The following PRKACB variants were observed in gnomAD, a reference collection of about 807,000 sequenced individuals.
The protein encoded by PRKACB is cAMP-dependent protein kinase catalytic subunit beta.
PRKACB carries 16 observed loss-of-function variants against 51.4 expected under a neutral mutation model. The ratio of observed to expected loss-of-function variants is 0.31; its 90% CI spans 0.21 to 0.47. The LOEUF (loss-of-function observed/expected upper bound fraction) is 0.47, where lower values mean the gene tolerates loss of function less well. PRKACB is among the 20% of genes least tolerant of loss of function. The pLI, the probability that PRKACB is intolerant of heterozygous loss-of-function variation, is 1.00. For missense variants in PRKACB, 309 were observed against 464.5 expected, an observed-to-expected ratio of 0.67 and a Z score of 3.08; for synonymous variants, 147 against 154.4, an observed-to-expected ratio of 0.95 and a Z score of 0.35.
intron 1 of PRKACB, among the ~76,000 whole-genome samples, chr1:84,160,103 A>T (rs1210264006): frequency 6.6e-6 from 1 of 152,082 alleles, no homozygotes; most frequent in Non-Finnish European, 1.5e-5. Context: ...TGTTCCTGCC[A>T]CTTCTGAATT....
chr1:84,198,159 A>G (rs1668717363), intron 7 of PRKACB, among the ~76,000 whole-genome samples: 1 of 152,154 alleles, frequency 6.6e-6, no homozygotes, highest in Non-Finnish European at 1.5e-5. Flanking sequence ...ACCAAGAGGT[A>G]AATCTAGAGA....
intron 1 of PRKACB, among the ~76,000 whole-genome samples, chr1:84,119,904 C>A (rs1263419873): frequency 1.3e-5 from 2 of 151,966 alleles, no homozygotes; most frequent in African/African-American, 4.8e-5. Context: ...TCATTGAGAC[C>A]TTGGTAGTGT....
intron 8 of PRKACB, chr1:84,204,592 T>C (rs897258746): frequency 2.2e-6 from 3 of 1,383,646 alleles, no homozygotes; most frequent in African/African-American, 1.5e-5. Context: ...AAAGGTCATA[T>C]GAAGAATGAT....
intron 9 of PRKACB, among the ~76,000 whole-genome samples, chr1:84,218,051 A>T (rs1166639840): frequency 6.6e-6 from 1 of 152,192 alleles, no homozygotes. Context: ...TTCATGAAGT[A>T]CATGTTATAT....
At chr1:84,079,144 GGT>G (rs1192761562) in intron 1 of PRKACB, among the ~76,000 whole-genome samples, 4 of 151,476 alleles carry the variant, frequency 2.6e-5, no homozygotes, top group African/African-American at 9.7e-5. Flanking sequence ...ATGGCGATAA[GGT>G]GTGTGTGTGT....
At chr1:84,177,635 A>G (rs1572090044) in intron 1 of PRKACB, among the ~76,000 whole-genome samples, 1 of 151,960 alleles carries the variant, frequency 6.6e-6, no homozygotes, top group South Asian at 2.1e-4. Flanking sequence ...CCAGCTACTC[A>G]GGAGGCTGAG....
intron 9 of PRKACB, among the ~76,000 whole-genome samples, chr1:84,228,387 A>G (rs1036683176): frequency 6.6e-6 from 1 of 152,214 alleles, no homozygotes; most frequent in African/African-American, 2.4e-5. Flanking sequence ...AATTTGGTCA[A>G]TCGACTCTTT....
intron 3 of PRKACB, 124 bp from the exon 4 acceptor site, chr1:84,183,913 T>C: frequency 9.7e-7 from 1 of 1,028,462 alleles, no homozygotes; most frequent in East Asian, 3.1e-5. Flanking sequence ...TGTTATTATC[T>C]TCCTTATCCA....
At chr1:84,127,762 C>T (rs565630310) in intron 1 of PRKACB, among the ~76,000 whole-genome samples, 1 of 151,846 alleles carries the variant, frequency 6.6e-6, no homozygotes, top group East Asian at 1.9e-4. Context: ...TACTGTTTTC[C>T]TAACTTGATT....
chr1:84,145,295 A>C (rs567240666), intron 1 of PRKACB, among the ~76,000 whole-genome samples: 1 of 152,222 alleles, frequency 6.6e-6, no homozygotes, highest in South Asian at 2.1e-4. Flanking sequence ...GCCATTCTAC[A>C]TCTCACCTTG....
intron 1 of PRKACB, 80 bp from the exon 2 acceptor site, chr1:84,179,097 A>C (rs941551145): frequency 1.4e-6 from 2 of 1,409,694 alleles, no homozygotes; most frequent in Non-Finnish European, 1.9e-6. Context: ...AAGTGAGAAA[A>C]CCATATGCAA....
chr1:84,124,169 T>C (rs1300516278), intron 1 of PRKACB, among the ~76,000 whole-genome samples: 1 of 152,170 alleles, frequency 6.6e-6, no homozygotes, highest in Admixed American at 6.5e-5. Flanking sequence ...AGAAATGATA[T>C]GAGAAACTCA....
At chr1:84,235,089 A>T in intron 9 of PRKACB, 91 bp from the exon 10 acceptor site, 1 of 1,373,442 alleles carries the variant, frequency 7.3e-7, no homozygotes, top group Non-Finnish European at 1.0e-6. Context: ...TCACCGTGTA[A>T]TAACAGTGGG....
chr1:84,091,269 C>T (rs1423576077), intron 1 of PRKACB, among the ~76,000 whole-genome samples: 1 of 152,168 alleles, frequency 6.6e-6, no homozygotes, highest in Non-Finnish European at 1.5e-5. Flanking sequence ...TTACAGAGAA[C>T]TTAATCAGCT....
At position 84,236,415 on chromosome 1, in the gene PRKACB, G is replaced by A. The variant is rs965143686; in HGVS notation, c.*1110G>A. The A allele has an allele frequency of 1.3e-5, 2 of 152,550 alleles. No homozygotes were observed. Among genetic ancestry groups the A allele is most frequent in the African/African-American group, 2.4e-5 (1 of 41,450 alleles). The allele number at this position is 152,550 out of a possible 1,614,324, so 9.4% of individuals were successfully genotyped here. On this transcript the variant is annotated 3_prime_UTR_variant, in exon 10 of 10. Coordinates refer to ENST00000370685, the MANE Select transcript of PRKACB (RefSeq NM_182948.4). ...GTTGTTTCCAGCTAATTATTGTGGTGTACTATATTTGTGAGCCTAGGGTAG... is the reference window on the plus strand; with the variant it reads ...GTTGTTTCCAGCTAATTATTGTGGTATACTATATTTGTGAGCCTAGGGTAG...
chr1:84,107,543 C>A (rs560807261), intron 1 of PRKACB, among the ~76,000 whole-genome samples: 1 of 152,098 alleles, frequency 6.6e-6, no homozygotes, highest in Admixed American at 6.6e-5. Flanking sequence ...AATAAACAAA[C>A]AACCTACAAA....
intron 7 of PRKACB, among the ~76,000 whole-genome samples, chr1:84,198,479 G>C (rs957425053): frequency 8.5e-5 from 13 of 152,066 alleles, no homozygotes; most frequent in Non-Finnish European, 1.5e-4. Context: ...TGCTTCACTG[G>C]TTCCCAAATG....
chr1:84,098,773 T>G (rs1479414021), intron 1 of PRKACB, among the ~76,000 whole-genome samples: 1 of 152,104 alleles, frequency 6.6e-6, no homozygotes, highest in Admixed American at 6.6e-5. Flanking sequence ...GTTCTGGTTT[T>G]GCCAAGCAAG....
rs112982990 is a variant in PRKACB at position 84,212,490 on chromosome 1, A to G, written c.907-1663A>G. 4.9e-3 allele frequency among the ~76,000 whole-genome samples: 733 copies of G among 148,146 alleles called. 9 individuals are homozygous for G. Among genetic ancestry groups the G allele is most frequent in the African/African-American group, 0.018 (676 of 37,650 alleles). Reference sequence around the variant, plus strand: ...TGTCAAGTAGGTTGAGCTTTTAGAAAGTCAGAATATAAATTAAGGAGTCTA... The same window carrying G: ...TGTCAAGTAGGTTGAGCTTTTAGAAGGTCAGAATATAAATTAAGGAGTCTA... On this transcript the variant is annotated intron_variant, in intron 8 of 9. Transcript: ENST00000370685.
Sources: gnomAD v4.1 joint callset for allele counts (sites outside exome capture counted in the v4.1 genomes callset) on GRCh38, gnomAD v4.1.1 for gene constraint, MANE v1.5 for transcripts, NCBI Gene and HGNC (gene_info 2026-07-23, HGNC 2026-07-21) for gene names.